Variants in OSBPL9 observed in about 807,000 individuals in gnomAD.
The protein encoded by OSBPL9 is oxysterol binding protein like 9, also known as oxysterol-binding protein-related protein 9.
A neutral mutation model predicts 106.6 loss-of-function variants in OSBPL9; 40 were observed. The ratio of observed to expected loss-of-function variants is 0.38; its 90% CI spans 0.29 to 0.49. The LOEUF (loss-of-function observed/expected upper bound fraction) is 0.49, where lower values mean the gene tolerates loss of function less well. Among genes scored for constraint, OSBPL9 ranks in the 20% least tolerant of loss-of-function variants. The pLI is 0.97. For missense variants in OSBPL9, 609 were observed against 887.2 expected (o/e 0.69, Z 3.98); for synonymous variants, 269 against 295.4 (o/e 0.91, Z 0.92).
At chr1:51,568,575 C>T in the OSBPL9 span, among the ~76,000 whole-genome samples, 29 of 152,280 alleles carry the variant, frequency 1.9e-4, 1 homozygote, top group South Asian at 6.0e-3. Context: ...GAGACGGAGT[C>T]TCAGAGTCTC....
chr1:51,552,393 T>A, the OSBPL9 span, among the ~76,000 whole-genome samples: 12,652 of 152,206 alleles, frequency 0.083, 749 homozygotes, highest in Middle Eastern at 0.18. Context: ...ATAGAGGCTA[T>A]CATTATTCTC....
At chr1:51,749,617 T>C (rs1272142457) in intron 7 of OSBPL9, 1 of 241,250 alleles carries the variant, frequency 4.1e-6, no homozygotes, top group Non-Finnish European at 9.2e-6. Context: ...AGCCTATCAG[T>C]GTCTTAGGTA....
At chr1:51,752,529 C>T (rs915414908) in intron 8 of OSBPL9, 8 of 455,930 alleles carry the variant, frequency 1.8e-5, no homozygotes, top group Non-Finnish European at 2.2e-5. Flanking sequence ...GGAATTTGCT[C>T]GTCTTACCAC....
At chr1:51,618,206 A>G (rs2148615542) in intron 1 of OSBPL9, among the ~76,000 whole-genome samples, 1 of 152,102 alleles carries the variant, frequency 6.6e-6, no homozygotes, top group East Asian at 1.9e-4. Flanking sequence ...TTTAGTAGAG[A>G]CGGGGTTTCA....
At chr1:51,532,813 G>T in the OSBPL9 span, among the ~76,000 whole-genome samples, 5 of 152,152 alleles carry the variant, frequency 3.3e-5, no homozygotes, top group Non-Finnish European at 4.4e-5. Flanking sequence ...ACACAAGATA[G>T]TTGAGGAATG....
chr1:51,567,320 C>T, the OSBPL9 span: 568 of 152,376 alleles, frequency 3.7e-3, 3 homozygotes, highest in Non-Finnish European at 5.4e-3. Context: ...GTCTGGCCCA[C>T]TCTGTCCCCA....
At chr1:51,559,440 T>TACACACAC in the OSBPL9 span, among the ~76,000 whole-genome samples, 430 of 147,638 alleles carry the variant, frequency 2.9e-3, 1 homozygote, top group African/African-American at 9.7e-3. Flanking sequence ...CACACATACA[T>TACACACAC]ACACACACAC....
chr1:51,779,282 C>T (rs1319374262), intron 15 of OSBPL9, among the ~76,000 whole-genome samples: 1 of 152,080 alleles, frequency 6.6e-6, no homozygotes, highest in Non-Finnish European at 1.5e-5. Context: ...ACAAAGCAAA[C>T]AAAAACATAA....
rs139213194 is a variant in OSBPL9, at chr1:51,785,783, C to T, written c.1830-25C>T. On this transcript the variant is annotated intron_variant, in intron 20 of 23. Transcript: ENST00000428468. The stretch of plus-strand genomic sequence containing the variant: ...GGTAGAATTTTCAACTTGAGACTAA[C>T]ACAAGTATTTCCTTTTCTGTTCAGT... 3.7e-3 allele frequency: 6,009 copies of T among 1,603,578 alleles called. 15 individuals carry two copies. Among genetic ancestry groups the T allele is most frequent in the Non-Finnish European group, 4.2e-3 (4,885 of 1,171,022 alleles).
At chr1:51,559,448 C>A in the OSBPL9 span, among the ~76,000 whole-genome samples, 4 of 151,812 alleles carry the variant, frequency 2.6e-5, no homozygotes, top group African/African-American at 9.7e-5. Context: ...CATACACACA[C>A]ACACACACAC....
chr1:51,675,924 T>C (rs1460824001), intron 3 of OSBPL9, among the ~76,000 whole-genome samples: 5 of 152,118 alleles, frequency 3.3e-5, no homozygotes, highest in Admixed American at 1.3e-4. Context: ...GTGCCTACCA[T>C]AAAATAAACA....
chr1:51,736,944 C>G (rs1665841585), intron 4 of OSBPL9, among the ~76,000 whole-genome samples: 1 of 151,896 alleles, frequency 6.6e-6, no homozygotes, highest in South Asian at 2.1e-4. Context: ...TCCAACAGTG[C>G]TTTTGTTAGG....
intron 1 of OSBPL9, among the ~76,000 whole-genome samples, chr1:51,587,502 A>G (rs2148600484): frequency 6.6e-6 from 1 of 152,106 alleles, no homozygotes; most frequent in Non-Finnish European, 1.5e-5. Context: ...TTCCCATCCC[A>G]TTTCTTTTTA....
intron 1 of OSBPL9, among the ~76,000 whole-genome samples, chr1:51,625,529 T>TC (rs1287333598): frequency 1.4e-5 from 2 of 138,800 alleles, no homozygotes; most frequent in Non-Finnish European, 3.1e-5. Context: ...TTCTTCTTCT[T>TC]TTTTTTTTTT....
chr1:51,573,127 G>A (rs976134797), upstream of OSBPL9, among the ~76,000 whole-genome samples: 17 of 149,974 alleles, frequency 1.1e-4, no homozygotes, highest in Non-Finnish European at 2.2e-4. Context: ...CCAGAGAATC[G>A]CTTGAACCAG....
intron 1 of OSBPL9, among the ~76,000 whole-genome samples, chr1:51,632,133 C>T (rs1645145090): frequency 6.6e-6 from 1 of 151,968 alleles, no homozygotes; most frequent in African/African-American, 2.4e-5. Context: ...AAATAGAAGG[C>T]ATATACTCTA....
chr1:51,576,415 G>C (rs537443016), upstream of OSBPL9, among the ~76,000 whole-genome samples: 10 of 152,314 alleles, frequency 6.6e-5, no homozygotes, highest in South Asian at 2.1e-3. Context: ...TTATGTATTA[G>C]GCCCTCATGG....
At chr1:51,779,803 C>T (rs753145125) in intron 15 of OSBPL9, among the ~76,000 whole-genome samples, 4 of 152,134 alleles carry the variant, frequency 2.6e-5, no homozygotes, top group Admixed American at 6.6e-5. Flanking sequence ...GTTGGCCGGG[C>T]GCGGTGGCTC....
chr1:51,584,624 G>A (rs1645237491), intron 1 of OSBPL9, among the ~76,000 whole-genome samples: 4 of 152,178 alleles, frequency 2.6e-5, no homozygotes, highest in Admixed American at 2.6e-4. Context: ...GCTGAAGCAG[G>A]AGAATCGCTT....
Sources: allele counts gnomAD v4.1 joint callset (sites outside exome capture counted in the v4.1 genomes callset), GRCh38; gene constraint gnomAD v4.1.1; transcripts MANE v1.5; gene names NCBI Gene and HGNC (gene_info 2026-07-23, HGNC 2026-07-21).